The following SBF1 variants were observed in gnomAD, a reference collection of about 807,000 sequenced individuals.
The protein encoded by SBF1 is SET binding factor 1.
SBF1 carries 65 observed loss-of-function variants against 215.8 expected under a neutral mutation model. The ratio of observed to expected loss-of-function variants is 0.30; its 90% CI spans 0.25 to 0.37. The LOEUF (loss-of-function observed/expected upper bound fraction) is 0.37. SBF1 is among the 10% of genes least tolerant of loss of function. The pLI, the probability that SBF1 is intolerant of heterozygous loss-of-function variation, is 1.00. For missense variants in SBF1, 2,634 were observed against 2,667.8 expected (o/e 0.99, Z 0.28); for synonymous variants, 1,410 against 1,122.8 (o/e 1.26, Z -5.11).
intron 36 of SBF1, among the ~76,000 whole-genome samples, chr22:50,454,014 A>G (rs903173188): frequency 6.6e-6 from 1 of 152,226 alleles, no homozygotes; most frequent in Middle Eastern, 3.4e-3. Flanking sequence ...CCTCCCAGGC[A>G]TCTCTGCCTT....
At chr22:50,451,166 CAAAAAAAAAAAA>C (rs58188399) in intron 36 of SBF1, among the ~76,000 whole-genome samples, 6 of 83,178 alleles carry the variant, frequency 7.2e-5, no homozygotes, top group South Asian at 4.4e-4. Flanking sequence ...CCCATCTCTA[CAAAAAAAAAAAA>C]AAAAAAAAAA....
At chr22:50,468,509 A>G in intron 1 of SBF1, 48 bp from the exon 2 acceptor site, 1 of 1,116,146 alleles carries the variant, frequency 9.0e-7, no homozygotes. Context: ...CCCCCCACCC[A>G]CCAGGAGGCT....
rs970004259 is a variant in SBF1 at position 50,446,975 on chromosome 22, C to T, written c.*167G>A. ...CTGTGACGCCAAAATAAGTTAGGGCCGGCCGGGCGGGGCGGGGCGGGGACG... is the reference window on the plus strand; with the variant it reads ...CTGTGACGCCAAAATAAGTTAGGGCTGGCCGGGCGGGGCGGGGCGGGGACG... On this transcript the variant is annotated 3_prime_UTR_variant, in exon 41 of 41. Transcript: ENST00000380817. The T allele has an allele frequency of 5.1e-5, 37 of 719,280 alleles. No individual in the cohort carries two copies. Among genetic ancestry groups the T allele is most frequent in the African/African-American group, 1.3e-4 (7 of 55,838 alleles). The allele number at this position is 719,280 out of a possible 1,614,324, so 44.6% of individuals were successfully genotyped here. A position where few individuals can be genotyped will look rare whatever the true frequency, so the allele number is the denominator to read the frequency against.
chr22:50,464,442 C>G lies in SBF1; in HGVS notation c.1637-1G>C, dbSNP rs2067659176. The G allele has an allele frequency of 6.2e-7, 1 of 1,612,762 alleles. No homozygotes were observed. ...CCACTGCACCGCTCCAGTATGGCAG[C>G]TGCGGGGACAGAATACACACACTCG... On this transcript the variant is annotated splice_acceptor_variant, in intron 14 of 40. Coordinates refer to ENST00000380817, the MANE Select transcript of SBF1 (RefSeq NM_002972.4). LOFTEE classifies it high-confidence loss of function.
chr22:50,460,385 T>C lies in SBF1; in HGVS notation c.3170A>G (p.Lys1057Arg). The C allele has an allele frequency of 6.2e-7, 1 of 1,612,802 alleles. No individual in the cohort carries two copies. Among genetic ancestry groups the C allele is most frequent in the Non-Finnish European group, 8.5e-7 (1 of 1,179,182 alleles). The stretch of plus-strand genomic sequence containing the variant: ...CCGCCCGATGGTCTTCTTGGCGTTC[T>C]TGACCAGGTTCCGGGACAGGGTTCT... Reference protein sequence around the residue: ...SLRTLSRNLVKNAKKTIGRQH... With the variant: ...SLRTLSRNLVRNAKKTIGRQH... The change falls in exon 25 of 41, where the codon AAG becomes AGG. Residue 1057 changes from lysine (K) to arginine (R), a missense_variant. Lys to Arg is a conservative substitution (Grantham distance 26). Transcript: ENST00000380817.
Position 50,460,341 on chromosome 22 carries a change from T to G in SBF1, c.3214A>C (p.Lys1072Gln). The G allele has an allele frequency of 6.2e-7, 1 of 1,613,600 alleles. No individual in the cohort carries two copies. Among genetic ancestry groups the G allele is most frequent in the Non-Finnish European group, 8.5e-7 (1 of 1,179,660 alleles). Reference sequence around the variant, plus strand: ...TGCTCCCAGCTGGGGGGGTTGTACTTCTTGCGAGTGACATGCTGCCGCCCG... The same window carrying G: ...TGCTCCCAGCTGGGGGGGTTGTACTGCTTGCGAGTGACATGCTGCCGCCCG... ...TIGRQHVTRK[K>Q]YNPPSWEHRG... Residue 1072 changes from lysine to glutamine, a missense_variant, in exon 25 of 41, where the codon AAG becomes CAG. Physicochemically the swap from Lys to Gln is moderately conservative, Grantham distance 53 (BLOSUM62 1). Transcript: ENST00000380817.
At position 50,448,394 on chromosome 22, in the gene SBF1, C is replaced by A. The variant is rs750169680; in HGVS notation, c.5202G>T (p.Ser1734=). 4.3e-6 allele frequency: 7 copies of A among 1,613,884 alleles called. No individual in the cohort carries two copies. The highest frequency in any genetic ancestry group is 5.1e-6 in the Non-Finnish European group (6 of 1,180,014). ...LVSTAPHHRR[S]LGVYLQEGPV... is the part of the protein sequence containing the mutation. The stretch of plus-strand genomic sequence containing the variant: ...GCCCCTCCTGCAGGTACACACCCAG[C>A]GAGCGACGGTGGTGGGGTGCGGTGG... The change falls in exon 38 of 41, where the codon TCG becomes TCT. Residue 1734 remains serine (S), a synonymous_variant. Coordinates refer to ENST00000380817, the MANE Select transcript of SBF1 (RefSeq NM_002972.4).
chr22:50,463,119 A>C (rs540117651), intron 16 of SBF1, among the ~76,000 whole-genome samples, 164 bp downstream of exon 16: 58 of 152,230 alleles, frequency 3.8e-4, no homozygotes, highest in Middle Eastern at 3.4e-3. Context: ...CCTGCCCCCA[A>C]CAATGGTTCT....
intron 36 of SBF1, among the ~76,000 whole-genome samples, chr22:50,452,548 G>A (rs541612072): frequency 2.8e-4 from 43 of 151,562 alleles, no homozygotes; most frequent in Non-Finnish European, 6.0e-4. Flanking sequence ...GTGAAACCCC[G>A]TCTCTACTAA....
chr22:50,467,209 C>T (rs2067804880), intron 5 of SBF1, 129 bp downstream of exon 5: 2 of 721,802 alleles, frequency 2.8e-6, no homozygotes. Context: ...GCAATGGTGG[C>T]ACGAGGACGC....
At chr22:50,467,501 C>T (rs769454165) in intron 4 of SBF1, 31 bp downstream of exon 4, 80 of 1,613,612 alleles carry the variant, frequency 5.0e-5, no homozygotes, top group Middle Eastern at 1.6e-4. Flanking sequence ...GCACCCTCGT[C>T]GTGCCTCGCC....
At chr22:50,466,909 G>A (rs1312391502) in intron 5 of SBF1, 199 bp from the exon 6 acceptor site, 2 of 573,986 alleles carry the variant, frequency 3.5e-6, no homozygotes, top group Non-Finnish European at 6.2e-6. Context: ...ACTCAGGACA[G>A]GAGTGGCTGC....
At chr22:50,458,491 C>T (rs541256671) in intron 28 of SBF1, among the ~76,000 whole-genome samples, 2 of 151,832 alleles carry the variant, frequency 1.3e-5, no homozygotes, top group Non-Finnish European at 2.9e-5. Context: ...GGTGCAGGGG[C>T]GGCCCCACCT....
intron 29 of SBF1, 111 bp downstream of exon 29, chr22:50,456,923 G>T: frequency 3.2e-6 from 3 of 951,720 alleles, no homozygotes; most frequent in South Asian, 2.0e-5. Flanking sequence ...GAGACGGGTC[G>T]TTAGTGTCAG....
In SBF1 at chr22:50,456,643, C is replaced by T. The variant is rs1483863114; in HGVS notation, c.3935G>A (p.Arg1312His). 4.0e-6 allele frequency: 6 copies of T among 1,504,854 alleles called. No individual in the cohort carries two copies. The highest frequency in any genetic ancestry group is 2.3e-5 in the Admixed American group (1 of 43,926). The allele number at this position is 1,504,854 out of a possible 1,614,324, so 93.2% of individuals were successfully genotyped here. Residue 1312 changes from arginine (R) to histidine (H), a missense_variant, in exon 30 of 41, where the codon CGC becomes CAC. Coordinates refer to ENST00000380817, the MANE Select transcript of SBF1 (RefSeq NM_002972.4). ...CACATCGGTGCCAAGGCCACTGCTG[C>T]GTCCACTGGTCCGGACACTGCCCCA... The part of the protein sequence containing the change: ...GKWGSVRTSG[R>H]SSGLGTDVGS...
At position 50,465,299 on chromosome 22, in the gene SBF1, C is replaced by A; in HGVS notation, c.1119G>T (p.Arg373=). Residue 373 remains arginine, a synonymous_variant, in exon 11 of 41, where the codon CGG becomes CGT. Coordinates refer to ENST00000380817, the MANE Select transcript of SBF1 (RefSeq NM_002972.4). ...QDKELRAVFL[R]LFAQLLQGYR... is the part of the protein sequence containing the mutation. ...AGCCCTGCAGCAGCTGAGCGAACAG[C>A]CGCAGGAAGACCGCGCGCAGCTCCT... 6.2e-7 allele frequency: 1 copy of A among 1,605,284 alleles called. No individual in the cohort carries two copies. The highest frequency in any genetic ancestry group is 1.3e-5 in the African/African-American group (1 of 75,024).
At position 50,455,217 on chromosome 22, in the gene SBF1, T is replaced by TAC; in HGVS notation, c.4554+6_4554+7insGT. On this transcript the variant is annotated splice_region_variant and intron_variant, in intron 33 of 40. Coordinates refer to ENST00000380817, the MANE Select transcript of SBF1 (RefSeq NM_002972.4). ...GTCCCGGCCCACCCACACAGCGGCC[T>TAC]GCCCACCTGGTGTACGCAGTCCAGG... The TAC allele has an allele frequency of 6.2e-7, 1 of 1,612,118 alleles. No individual in the cohort carries two copies. The highest frequency in any genetic ancestry group is 8.5e-7 in the Non-Finnish European group (1 of 1,178,796).
chr22:50,459,622 G>A lies in SBF1; in HGVS notation c.3536C>T (p.Ala1179Val), dbSNP rs752362315. The A allele has an allele frequency of 1.9e-6, 3 of 1,609,778 alleles. No homozygotes were observed. Among genetic ancestry groups the A allele is most frequent in the Non-Finnish European group, 2.5e-6 (3 of 1,178,884 alleles). Residue 1179 changes from alanine (A) to valine (V), a missense_variant, in exon 27 of 41, where the codon GCC becomes GTC. Transcript: ENST00000380817. ...GTAGCAGCGGGACACGCGCTGCAGG[G>A]CGTTGTCCTGGACACTCTGGGGCAC... Reference protein sequence around the residue: ...LIVPQSVQDNALQRVSRCYRQ... With the variant: ...LIVPQSVQDNVLQRVSRCYRQ...
In SBF1 at chr22:50,445,451, A is replaced by G. The variant is rs893836358; in HGVS notation, c.*1691T>C. ...GCCCCAGCGAGCTTGTCTTTCCACC[A>G]CGGTTGGGGGTGGAGGGAACCCGCT... On this transcript the variant is annotated 3_prime_UTR_variant, in exon 41 of 41. Coordinates refer to ENST00000380817, the MANE Select transcript of SBF1 (RefSeq NM_002972.4). 2.0e-5 allele frequency: 3 copies of G among 152,036 alleles called. No individual in the cohort carries two copies. The highest frequency in any genetic ancestry group is 2.0e-4 in the Admixed American group (3 of 15,256). 9.4% of individuals were successfully genotyped at this position (152,036 alleles called of 1,614,324 possible). A position where few individuals can be genotyped will look rare whatever the true frequency, so the allele number is the denominator to read the frequency against.
Sources: allele counts gnomAD v4.1 joint callset (sites outside exome capture counted in the v4.1 genomes callset), GRCh38; gene constraint gnomAD v4.1.1; transcripts MANE v1.5; gene names NCBI Gene and HGNC (gene_info 2026-07-23, HGNC 2026-07-21).